The following BMPR2 variants were observed in gnomAD, a reference collection of about 807,000 sequenced individuals.
BMPR2 encodes the protein bone morphogenetic protein receptor type 2.
In BMPR2, 29 loss-of-function variants were observed where a neutral mutation model predicts 100.8. The observed-to-expected ratio is 0.29, with a 90% CI of 0.21 to 0.39. BMPR2 has a LOEUF of 0.39. BMPR2 is among the 10% of genes least tolerant of loss of function. The pLI is 1.00. For missense variants in BMPR2, 1,011 were observed against 1,274.5 expected (o/e 0.79, Z 3.15); for synonymous variants, 382 against 442.3 (o/e 0.86, Z 1.71).
chr2:202,420,440 G>A (rs1691232922), intron 1 of BMPR2, among the ~76,000 whole-genome samples: 1 of 151,434 alleles, frequency 6.6e-6, no homozygotes, highest in Non-Finnish European at 1.5e-5. Flanking sequence ...AAGGTTTTTG[G>A]GTTTAAGTTG....
At chr2:202,533,135 C>G (rs777146220) in intron 9 of BMPR2, among the ~76,000 whole-genome samples, 1 of 151,370 alleles carries the variant, frequency 6.6e-6, no homozygotes, top group South Asian at 2.1e-4. Flanking sequence ...TTTTCCTTTT[C>G]TTTTTTTTTC....
Position 202,561,499 on chromosome 2 carries a change from T to C in BMPR2, c.*1553T>C, listed in dbSNP as rs1319279090. The C allele has an allele frequency of 6.6e-6, 1 of 152,144 alleles. No homozygotes were observed. The highest frequency in any genetic ancestry group is 1.9e-4 in the East Asian group (1 of 5,204). 9.4% of individuals were successfully genotyped at this position (152,144 alleles called of 1,614,324 possible). On this transcript the variant is annotated 3_prime_UTR_variant, in exon 13 of 13. Coordinates refer to ENST00000374580, the MANE Select transcript of BMPR2 (RefSeq NM_001204.7). ...TTCTGTCAAATAATGGACTTTTTTC[T>C]AAACAGAAATTATTTTCTATTAATT...
chr2:202,479,021 T>A (rs1274581102), intron 3 of BMPR2, among the ~76,000 whole-genome samples: 1 of 152,206 alleles, frequency 6.6e-6, no homozygotes, highest in African/African-American at 2.4e-5. Flanking sequence ...CCCTGCCTCC[T>A]GGTATTCTCA....
intron 3 of BMPR2, among the ~76,000 whole-genome samples, chr2:202,480,558 A>G (rs1018350679): frequency 2.0e-5 from 3 of 152,182 alleles, no homozygotes; most frequent in Non-Finnish European, 4.4e-5. Flanking sequence ...GGCATGAGGT[A>G]GGGAGTCCAA....
intron 1 of BMPR2, among the ~76,000 whole-genome samples, chr2:202,441,984 G>A (rs1208738214): frequency 6.7e-6 from 1 of 149,638 alleles, no homozygotes; most frequent in East Asian, 1.9e-4. Context: ...AGTGAGCCGA[G>A]ATCACGCCAT....
chr2:202,414,737 C>T (rs1487421307), intron 1 of BMPR2, among the ~76,000 whole-genome samples: 1 of 152,074 alleles, frequency 6.6e-6, no homozygotes, highest in Non-Finnish European at 1.5e-5. Context: ...CCCTAACCCT[C>T]AGTCTTGTTT....
chr2:202,466,116 A>C (rs76528043), intron 2 of BMPR2, among the ~76,000 whole-genome samples: 15,005 of 152,140 alleles, frequency 0.099, 987 homozygotes, highest in South Asian at 0.25. Flanking sequence ...TTTTGATTGT[A>C]TGTGATTGTT....
At chr2:202,435,645 G>A (rs1239500964) in intron 1 of BMPR2, among the ~76,000 whole-genome samples, 2 of 149,614 alleles carry the variant, frequency 1.3e-5, no homozygotes, top group Admixed American at 6.6e-5. Flanking sequence ...TTCACTTACC[G>A]CTCACACACT....
At chr2:202,390,189 T>C (rs576436998) in intron 1 of BMPR2, among the ~76,000 whole-genome samples, 5 of 152,180 alleles carry the variant, frequency 3.3e-5, no homozygotes, top group Non-Finnish European at 7.3e-5. Context: ...TTGTGATTAT[T>C]GATCTGGGAC....
At chr2:202,491,917 CATT>C in intron 3 of BMPR2, among the ~76,000 whole-genome samples, 1 of 152,182 alleles carries the variant, frequency 6.6e-6, no homozygotes, top group South Asian at 2.1e-4. Context: ...TTTTTATTGT[CATT>C]ATAGTCCCCA....
chr2:202,481,388 A>G (rs942975131), intron 3 of BMPR2, among the ~76,000 whole-genome samples: 3 of 152,106 alleles, frequency 2.0e-5, no homozygotes, highest in African/African-American at 4.8e-5. Context: ...CATGTTGGCC[A>G]TGGCTGGTCT....
intron 1 of BMPR2, among the ~76,000 whole-genome samples, chr2:202,440,632 A>G (rs1344713548): frequency 6.6e-6 from 1 of 150,438 alleles, no homozygotes; most frequent in Admixed American, 6.6e-5. Context: ...GAGGTGGTGG[A>G]GGTTGTAGCG....
intron 7 of BMPR2, among the ~76,000 whole-genome samples, chr2:202,524,176 C>T (rs926741580): frequency 5.3e-5 from 8 of 151,910 alleles, no homozygotes; most frequent in Non-Finnish European, 1.0e-4. Flanking sequence ...TCCTGGCTAA[C>T]ACAGTGAAAC....
chr2:202,452,252 A>G (rs180689513), intron 1 of BMPR2, among the ~76,000 whole-genome samples: 12 of 152,298 alleles, frequency 7.9e-5, no homozygotes, highest in African/African-American at 2.4e-4. Context: ...TGGAATCTAT[A>G]TGCACTTGTG....
intron 3 of BMPR2, among the ~76,000 whole-genome samples, chr2:202,492,700 C>CAAAAAAAAAAAAAAAAAAAAAAACA (rs1692928940): frequency 5.7e-5 from 3 of 52,810 alleles, no homozygotes; most frequent in African/African-American, 8.6e-5. Context: ...AGCTCTGTCT[C>CAAAAAAAAAAAAAAAAAAAAAAACA]AAAAAAAAAA....
intron 1 of BMPR2, among the ~76,000 whole-genome samples, chr2:202,448,043 A>G (rs1691888576): frequency 6.6e-6 from 1 of 150,492 alleles, no homozygotes; most frequent in Non-Finnish European, 1.5e-5. Flanking sequence ...CCATTAGAAT[A>G]TAACACCTTA....
At chr2:202,515,350 T>A (rs1687693839) in intron 5 of BMPR2, among the ~76,000 whole-genome samples, 1 of 151,884 alleles carries the variant, frequency 6.6e-6, no homozygotes, top group African/African-American at 2.4e-5. Context: ...AGCTGGTGGA[T>A]CACCTGAGAT....
At chr2:202,434,931 A>ATT (rs1691583923) in intron 1 of BMPR2, among the ~76,000 whole-genome samples, 1 of 95,540 alleles carries the variant, frequency 1.0e-5, no homozygotes, top group African/African-American at 4.1e-5. Flanking sequence ...ATATATATAT[A>ATT]TATATTTATT....
intron 7 of BMPR2, chr2:202,520,557 A>C: frequency 3.2e-6 from 1 of 314,452 alleles, no homozygotes; most frequent in South Asian, 3.1e-5. Flanking sequence ...TTCCTCTGCA[A>C]GCGGACAAGC....
Sources: gnomAD v4.1 joint callset for allele counts (sites outside exome capture counted in the v4.1 genomes callset) on GRCh38, gnomAD v4.1.1 for gene constraint, MANE v1.5 for transcripts, NCBI Gene and HGNC (gene_info 2026-07-23, HGNC 2026-07-21) for gene names.